The following SND1 variants were observed in gnomAD, a reference collection of about 807,000 sequenced individuals.
SND1 encodes the protein staphylococcal nuclease domain-containing protein 1.
A neutral mutation model predicts 121.7 loss-of-function variants in SND1; 38 were observed. The observed-to-expected ratio is 0.31, with a 90% CI of 0.24 to 0.41. The LOEUF is 0.41. SND1 is among the 10% of genes least tolerant of loss of function. The pLI, the probability that SND1 is intolerant of heterozygous loss-of-function variation, is 1.00. For synonymous variants in SND1, 401 were observed against 447.4 expected, an observed-to-expected ratio of 0.90 and a Z score of 1.31; for missense variants, 868 against 1,184.6, an observed-to-expected ratio of 0.73 and a Z score of 3.92.
chr7:127,997,581 A>C, intron 16 of SND1: 1 of 428,636 alleles, frequency 2.3e-6, no homozygotes, highest in South Asian at 1.8e-5. Context: ...ATGTTTCTTA[A>C]AAGACAAATC....
chr7:127,981,047 A>G (rs568563845), intron 15 of SND1, among the ~76,000 whole-genome samples: 16 of 152,332 alleles, frequency 1.1e-4, no homozygotes, highest in African/African-American at 3.8e-4. Context: ...TGAGGTTCTC[A>G]TAGAAACCAA....
At chr7:127,673,004 C>T (rs1157715965) in intron 1 of SND1, among the ~76,000 whole-genome samples, 9 of 151,758 alleles carry the variant, frequency 5.9e-5, no homozygotes, top group Non-Finnish European at 1.3e-4. Context: ...TGTCAGGTTT[C>T]CTCAGTGTAA....
At chr7:127,767,986 C>G (rs1289877663) in intron 10 of SND1, among the ~76,000 whole-genome samples, 1 of 152,128 alleles carries the variant, frequency 6.6e-6, no homozygotes, top group African/African-American at 2.4e-5. Context: ...CCATCTGAAG[C>G]CTAATTTTTA....
chr7:127,907,697 A>G (rs1800367791), intron 14 of SND1, among the ~76,000 whole-genome samples: 1 of 152,210 alleles, frequency 6.6e-6, no homozygotes, highest in African/African-American at 2.4e-5. Flanking sequence ...TGTCTCCTAA[A>G]CACTCTTAAG....
At chr7:128,081,653 C>T in intron 18 of SND1, 152 bp downstream of exon 18, 1 of 839,458 alleles carries the variant, frequency 1.2e-6, no homozygotes, top group Admixed American at 2.3e-5. Context: ...CCCTGTCTCC[C>T]TGCCTTGTCC....
chr7:127,872,329 G>A (rs925988458), intron 12 of SND1, among the ~76,000 whole-genome samples: 1 of 152,148 alleles, frequency 6.6e-6, no homozygotes, highest in Admixed American at 6.5e-5. Context: ...GGGGTTTTGT[G>A]AAACAGGCTC....
chr7:127,813,440 TTTG>T (rs10560974), intron 11 of SND1, among the ~76,000 whole-genome samples: 134,491 of 151,880 alleles, frequency 0.89, 59,767 homozygotes, highest in African/African-American at 0.94. Context: ...TTTTTGGTTG[TTTG>T]TTGTTGTTGT....
intron 10 of SND1, among the ~76,000 whole-genome samples, chr7:127,782,073 G>C (rs1584568562): frequency 6.6e-6 from 1 of 152,262 alleles, no homozygotes; most frequent in East Asian, 1.9e-4. Flanking sequence ...TCTTTGAGGA[G>C]GCAGAGAATA....
chr7:127,779,924 C>T (rs1413304073), intron 10 of SND1, among the ~76,000 whole-genome samples: 8 of 152,222 alleles, frequency 5.3e-5, no homozygotes, highest in Non-Finnish European at 1.2e-4. Context: ...TAATCTCTTA[C>T]TGAGCAGCCA....
chr7:128,084,653 C>T (rs1793658721), intron 18 of SND1, 71 bp from the exon 19 acceptor site: 5 of 1,496,340 alleles, frequency 3.3e-6, no homozygotes, highest in Non-Finnish European at 4.5e-6. Flanking sequence ...CCCAACCACT[C>T]CCAGAAAAAC....
intron 12 of SND1, chr7:127,858,014 A>ACTTATATT: frequency 6.9e-7 from 1 of 1,456,266 alleles, no homozygotes; most frequent in South Asian, 1.1e-5. Flanking sequence ...GGGTTCTCCC[A>ACTTATATT]CTTATATTCC....
intron 4 of SND1, among the ~76,000 whole-genome samples, chr7:127,699,533 T>C (rs1796066434): frequency 6.6e-6 from 1 of 152,208 alleles, no homozygotes; most frequent in Admixed American, 6.5e-5. Flanking sequence ...TCAAAGTCTT[T>C]CAAGTCTGTG....
intron 1 of SND1, among the ~76,000 whole-genome samples, chr7:127,661,053 C>T (rs149640890): frequency 1.7e-3 from 261 of 152,064 alleles, no homozygotes; most frequent in African/African-American, 6.0e-3. Context: ...GTTGAAGGGG[C>T]GGGACATAAA....
intron 9 of SND1, among the ~76,000 whole-genome samples, chr7:127,714,788 C>G (rs1292734457): frequency 6.6e-6 from 1 of 152,160 alleles, no homozygotes; most frequent in Non-Finnish European, 1.5e-5. Flanking sequence ...GCATAGTGTC[C>G]TCAGGGTTCA....
chr7:127,792,023 T>G (rs1453960045), intron 10 of SND1, among the ~76,000 whole-genome samples: 3 of 152,130 alleles, frequency 2.0e-5, no homozygotes, highest in Admixed American at 1.3e-4. Context: ...GTAGAAAAAA[T>G]TATAGGTTAT....
rs1040696358 is a variant in SND1 at position 127,788,077 on chromosome 7, A to T, written c.1153-19407A>T. On this transcript the variant is annotated intron_variant, in intron 10 of 23. Coordinates refer to ENST00000354725, the MANE Select transcript of SND1 (RefSeq NM_014390.4). ...AATGTTACAATGTGGCATGTTTTCCAGGAATCATAGGGAATTGACCCATTT... is the reference window on the plus strand; with the variant it reads ...AATGTTACAATGTGGCATGTTTTCCTGGAATCATAGGGAATTGACCCATTT... Among the ~76,000 whole-genome samples the T allele has an allele frequency of 6.6e-5, 10 of 152,232 alleles. 1 individual carries two copies. Among genetic ancestry groups the T allele is most frequent in the African/African-American group, 1.9e-4 (8 of 41,462 alleles).
At chr7:127,908,891 G>T (rs995445922) in intron 14 of SND1, among the ~76,000 whole-genome samples, 1 of 152,148 alleles carries the variant, frequency 6.6e-6, no homozygotes, top group African/African-American at 2.4e-5. Context: ...ATAAAATGGG[G>T]CTGGTACATG....
At chr7:127,663,668 G>T (rs375183685) in intron 1 of SND1, among the ~76,000 whole-genome samples, 3 of 152,140 alleles carry the variant, frequency 2.0e-5, no homozygotes, top group Non-Finnish European at 4.4e-5. Flanking sequence ...GAGCCACCAC[G>T]CCTGGCCTTA....
intron 10 of SND1, among the ~76,000 whole-genome samples, chr7:127,804,595 A>G (rs554433552): frequency 3.9e-5 from 6 of 152,046 alleles, no homozygotes; most frequent in African/African-American, 1.4e-4. Context: ...ATTCCTTTCT[A>G]CCTCTGTGCT....
Sources: allele counts gnomAD v4.1 joint callset (sites outside exome capture counted in the v4.1 genomes callset), GRCh38; gene constraint gnomAD v4.1.1; transcripts MANE v1.5; gene names NCBI Gene and HGNC (gene_info 2026-07-23, HGNC 2026-07-21).